MTUS2: variants seen among roughly 807,000 people sequenced by gnomAD.
The protein encoded by MTUS2 is microtubule-associated tumor suppressor candidate 2.
A neutral mutation model predicts 114.1 loss-of-function variants in MTUS2; 40 were observed. That is an observed-to-expected ratio of 0.35 (90% CI 0.27 to 0.46). MTUS2 has a LOEUF of 0.46. MTUS2 is among the 20% of genes least tolerant of loss of function. The pLI is 1.00. For synonymous variants in MTUS2, 688 were observed against 672.0 expected, an observed-to-expected ratio of 1.02 and a Z score of -0.37; for missense variants, 1,679 against 1,705.4, an observed-to-expected ratio of 0.98 and a Z score of 0.27.
At position 29,036,167 on chromosome 13, in the gene MTUS2, T is replaced by A. The variant is rs35203666; in HGVS notation, c.2446+2042T>A. On this transcript the variant is annotated intron_variant, in intron 4 of 15. Coordinates refer to ENST00000612955, the MANE Select transcript of MTUS2 (RefSeq NM_001033602.4). ...AAAAAAAAAAAAAAAGAAAGAAAAA[T>A]AAAAGAAAAACCCAACAGCTAAGAT... 5.9e-3 allele frequency among the ~76,000 whole-genome samples: 808 copies of A among 137,262 alleles called. 7 individuals are homozygous for A. Among genetic ancestry groups the A allele is most frequent in the East Asian group, 9.8e-3 (45 of 4,574 alleles). 90.0% of individuals were successfully genotyped at this position (137,262 alleles called of 152,430 possible). A position where few individuals can be genotyped will look rare whatever the true frequency, so the allele number is the denominator to read the frequency against.
At chr13:28,943,977 C>G (rs937692511) in intron 2 of MTUS2, among the ~76,000 whole-genome samples, 1 of 152,034 alleles carries the variant, frequency 6.6e-6, no homozygotes, top group Non-Finnish European at 1.5e-5. Flanking sequence ...AATATTTTTT[C>G]CTAGTTTTTT....
intron 4 of MTUS2, among the ~76,000 whole-genome samples, chr13:29,073,846 C>T (rs1889057785): frequency 1.0e-5 from 1 of 99,302 alleles, no homozygotes; most frequent in Admixed American, 9.8e-5. Context: ...CATGGTTTAA[C>T]TACAGTGGTT....
intron 4 of MTUS2, among the ~76,000 whole-genome samples, chr13:29,063,490 A>C (rs1002811778): frequency 3.3e-5 from 5 of 152,224 alleles, no homozygotes; most frequent in African/African-American, 1.2e-4. Flanking sequence ...ATCGTGTAAG[A>C]AAAGTTGGGA....
At chr13:29,388,747 A>G (rs931624003) in intron 8 of MTUS2, among the ~76,000 whole-genome samples, 6 of 152,114 alleles carry the variant, frequency 3.9e-5, no homozygotes, top group Non-Finnish European at 7.4e-5. Context: ...GTTGGGCTAA[A>G]AAATTAGAGA....
intron 6 of MTUS2, among the ~76,000 whole-genome samples, chr13:29,292,256 A>G (rs561353774): frequency 1.3e-4 from 20 of 152,300 alleles, no homozygotes; most frequent in Admixed American, 3.9e-4. Flanking sequence ...GAGCTCTTGC[A>G]TGTCAACGTC....
At chr13:29,340,541 A>C (rs1395292623) in intron 7 of MTUS2, among the ~76,000 whole-genome samples, 1 of 147,510 alleles carries the variant, frequency 6.8e-6, no homozygotes, top group Non-Finnish European at 1.5e-5. Context: ...GTTTTAGCAC[A>C]GGCAATGTTG....
At position 28,863,641 on chromosome 13, in the gene MTUS2, ATTC is replaced by A. The variant is rs373124859; in HGVS notation, c.-243+23796_-243+23798del. Among the ~76,000 whole-genome samples the A allele has an allele frequency of 2.2e-3, 328 of 152,340 alleles. 1 individual carries two copies. Among genetic ancestry groups the A allele is most frequent in the African/African-American group, 7.3e-3 (303 of 41,578 alleles). ...CACAGGTGCTGCAAAGTGCTTCCGC[ATTC>A]TTCTGAAAATAGATGTTTTTAAAAT... On this transcript the variant is annotated intron_variant, in intron 2 of 15. Transcript: ENST00000612955.
chr13:29,084,542 T>C (rs1230003872), intron 4 of MTUS2, among the ~76,000 whole-genome samples: 11 of 132,110 alleles, frequency 8.3e-5, no homozygotes, highest in African/African-American at 3.0e-4. Flanking sequence ...CCCCTTCTTT[T>C]CTTCTTTCCT....
At chr13:29,195,355 A>T (rs1034177575) in intron 5 of MTUS2, among the ~76,000 whole-genome samples, 2 of 151,992 alleles carry the variant, frequency 1.3e-5, no homozygotes, top group African/African-American at 4.8e-5. Flanking sequence ...TCTATTTCCT[A>T]AATGACAGAT....
At chr13:29,201,542 C>T (rs1200008747) in intron 5 of MTUS2, among the ~76,000 whole-genome samples, 1 of 152,106 alleles carries the variant, frequency 6.6e-6, no homozygotes, top group Non-Finnish European at 1.5e-5. Context: ...GAATTTGATC[C>T]TGTCATTATG....
At chr13:29,425,275 T>C (rs923427186) in intron 8 of MTUS2, among the ~76,000 whole-genome samples, 7 of 152,006 alleles carry the variant, frequency 4.6e-5, no homozygotes, top group Non-Finnish European at 1.0e-4. Flanking sequence ...TACCTGGGCG[T>C]GATGGCACGC....
intron 4 of MTUS2, among the ~76,000 whole-genome samples, chr13:29,090,406 T>C (rs2475536): frequency 0.67 from 102,098 of 151,892 alleles, 35,014 homozygotes; most frequent in Non-Finnish European, 0.74. Context: ...GAGAGTTCAC[T>C]GTGCTGGGGT....
At chr13:29,249,416 A>C (rs902903872) in intron 5 of MTUS2, among the ~76,000 whole-genome samples, 40 of 152,322 alleles carry the variant, frequency 2.6e-4, no homozygotes, top group Middle Eastern at 3.4e-3. Context: ...ACTAATTTAC[A>C]TTCCCACCAA....
intron 6 of MTUS2, chr13:29,307,365 G>A: frequency 1.3e-6 from 1 of 776,076 alleles, no homozygotes; most frequent in Non-Finnish European, 2.3e-6. Context: ...GGAGACTGTG[G>A]TGTGATAGCC....
At position 28,852,975 on chromosome 13, in the gene MTUS2, T is replaced by TACATACATA. The variant is rs57396668; in HGVS notation, c.-243+13125_-243+13126insACATACATA. 8.9e-3 allele frequency among the ~76,000 whole-genome samples: 1,353 copies of TACATACATA among 151,234 alleles called. 13 individuals carry two copies. Among genetic ancestry groups the TACATACATA allele is most frequent in the Non-Finnish European group, 8.2e-3 (553 of 67,822 alleles). The stretch of plus-strand genomic sequence containing the variant: ...TACATACATACATACATACATACAT[T>TACATACATA]CATTCATTCATTCATTCCTTGGAAA... On this transcript the variant is annotated intron_variant, in intron 2 of 15. Transcript: ENST00000612955.
Position 28,906,813 on chromosome 13 carries a change from G to A in MTUS2, c.-243+66963G>A, listed in dbSNP as rs564408774. ...GAGGTGATGGGGAGAATGGAACCAA[G>A]TTGGAAAACACTTTGCACGGTGTTA... On this transcript the variant is annotated intron_variant, in intron 2 of 15. Coordinates refer to ENST00000612955, the MANE Select transcript of MTUS2 (RefSeq NM_001033602.4). 8.6e-5 allele frequency among the ~76,000 whole-genome samples: 13 copies of A among 151,634 alleles called. No homozygotes were observed. The South Asian group carries it at 2.5e-3, about 29-fold the overall frequency.
At chr13:29,310,882 T>G (rs533077018) in intron 6 of MTUS2, among the ~76,000 whole-genome samples, 1 of 152,236 alleles carries the variant, frequency 6.6e-6, no homozygotes, top group South Asian at 2.1e-4. Flanking sequence ...CTCATAGATA[T>G]ATGAGAAATT....
In MTUS2 at chr13:29,026,219, T is replaced by C. The variant is rs753448925; in HGVS notation, c.1521T>C (p.Ala507=). The C allele has an allele frequency of 3.1e-6, 5 of 1,613,874 alleles. No homozygotes were observed. Among genetic ancestry groups the C allele is most frequent in the African/African-American group, 2.7e-5 (2 of 74,916 alleles). ...RESKEVTTSV[A]ENRNLLENAD... Reference sequence around the variant, plus strand: ...GCAAAGAGGTCACCACATCTGTTGCTGAAAACAGGAACCTTCTAGAGAATG... The same window carrying C: ...GCAAAGAGGTCACCACATCTGTTGCCGAAAACAGGAACCTTCTAGAGAATG... Residue 507 remains alanine, a synonymous_variant, in exon 3 of 16, where the codon GCT becomes GCC. Coordinates refer to ENST00000612955, the MANE Select transcript of MTUS2 (RefSeq NM_001033602.4).
intron 2 of MTUS2, among the ~76,000 whole-genome samples, chr13:28,854,669 A>C (rs1661008276): frequency 6.6e-6 from 1 of 152,212 alleles, no homozygotes; most frequent in African/African-American, 2.4e-5. Context: ...GTTTATCATA[A>C]ATTTTAAAAG....
Sources: gnomAD v4.1 joint callset for allele counts (sites outside exome capture counted in the v4.1 genomes callset) on GRCh38, gnomAD v4.1.1 for gene constraint, MANE v1.5 for transcripts, NCBI Gene and HGNC (gene_info 2026-07-23, HGNC 2026-07-21) for gene names.